Variants in SCAF1 observed in about 807,000 individuals in gnomAD.
SCAF1 encodes splicing factor, arginine/serine-rich 19.
SCAF1 carries 28 observed loss-of-function variants against 91.2 expected under a neutral mutation model. The observed-to-expected ratio is 0.31, with a 90% confidence interval of 0.23 to 0.42. SCAF1 has a LOEUF of 0.42. SCAF1 is among the 10% of genes least tolerant of loss of function. The probability of loss-of-function intolerance (pLI) is 1.00; values close to 1 mark genes in which losing one functional copy is unlikely to be tolerated. For synonymous variants in SCAF1, 1,036 were observed against 833.7 expected (o/e 1.24, Z -4.18); for missense variants, 1,893 against 1,872.1 (o/e 1.01, Z -0.21).
At chr19:49,653,942 G>A (rs552678231) in intron 7 of SCAF1, among the ~76,000 whole-genome samples, 1 of 152,298 alleles carries the variant, frequency 6.6e-6, no homozygotes, top group African/African-American at 2.4e-5. Flanking sequence ...GCTGGGTTCT[G>A]GGATTCCCCT....
In SCAF1 at chr19:49,645,757, C is replaced by T. The variant is rs745369960; in HGVS notation, c.166+346C>T. The stretch of plus-strand genomic sequence containing the variant: ...AGCCTGATCAGCTGCAGCAGGCCTA[C>T]AGCACGGGTGCAGCGGCGAGGGGCT... On this transcript the variant is annotated intron_variant, in intron 3 of 10. Transcript: ENST00000360565. This position sits in a 1 kb window ranked among gnomAD's most constrained non-coding sequence, Gnocchi z 4.6. 1.1e-4 allele frequency among the ~76,000 whole-genome samples: 16 copies of T among 152,144 alleles called. No homozygotes were observed. The highest frequency in any genetic ancestry group is 2.1e-4 in the Non-Finnish European group (14 of 68,002).
In SCAF1 at chr19:49,646,895, G is replaced by T; in HGVS notation, c.478+65G>T. ...AGTTGTGTGGGGATCGGCTGTTTTT[G>T]GTAGTGATGGTAGCGGTGATCATGT... On this transcript the variant is annotated intron_variant, in intron 6 of 10. Coordinates refer to ENST00000360565, the MANE Select transcript of SCAF1 (RefSeq NM_021228.3). The surrounding 1 kb of genome is among the most constrained non-coding windows in gnomAD (Gnocchi z 5.6). 1 of 1,177,866 alleles carries T rather than the reference G, an allele frequency of 8.5e-7. No homozygotes were observed. Among genetic ancestry groups the T allele is most frequent in the Non-Finnish European group, 1.2e-6 (1 of 827,814 alleles). The allele number at this position is 1,177,866 out of a possible 1,614,324, so 73.0% of individuals were successfully genotyped here.
Position 49,653,562 on chromosome 19 carries a change from C to T in SCAF1, c.3173C>T (p.Ala1058Val). The T allele has an allele frequency of 6.3e-7, 1 of 1,586,620 alleles. No individual in the cohort carries two copies. The change falls in exon 7 of 11, where the codon GCC (alanine) becomes GTC (valine). Residue 1058 changes from alanine to valine, a missense_variant. Physicochemically the swap from Ala to Val is moderately conservative, Grantham distance 64 (BLOSUM62 0). Transcript: ENST00000360565. ...ACTGCTGCAGCCGCCCCAAGCACTG[C>T]CCCCAGCGCGGGGTCCACAGCCGGT... ...TSTAAAAPST[A>V]PSAGSTAGDS... is the part of the protein sequence containing the mutation.
chr19:49,642,339 A>G lies in SCAF1; in HGVS notation c.-7+97A>G, dbSNP rs1453212954. On this transcript the variant is annotated intron_variant, in intron 1 of 10. Transcript: ENST00000360565. The surrounding 1 kb of genome is among the most constrained non-coding windows in gnomAD (Gnocchi z 4.0). Reference sequence around the variant, plus strand: ...TAGTTGTCCCGGGGTCCTCCCCACAAGCCACGGGTCCTAGAGGGCTTCTCG... The same window carrying G: ...TAGTTGTCCCGGGGTCCTCCCCACAGGCCACGGGTCCTAGAGGGCTTCTCG... The G allele has an allele frequency of 1.3e-5, 2 of 151,352 alleles. No homozygotes were observed. Among genetic ancestry groups the G allele is most frequent in the Non-Finnish European group, 2.9e-5 (2 of 67,894 alleles). 9.4% of individuals were successfully genotyped at this position (151,352 alleles called of 1,614,324 possible).
chr19:49,651,969 G>A lies in SCAF1; in HGVS notation c.1580G>A (p.Gly527Asp). The A allele has an allele frequency of 8.3e-7, 1 of 1,197,752 alleles. No individual in the cohort carries two copies. The highest frequency in any genetic ancestry group is 1.0e-6 in the Non-Finnish European group (1 of 955,562). 74.2% of individuals were successfully genotyped at this position (1,197,752 alleles called of 1,614,324 possible). Reference sequence around the variant, plus strand: ...TCCAGGCGGGAACGCAAGCGCAGCGGCGAGGCCAAGGAGGCCGCCTCGTCC... The same window carrying A: ...TCCAGGCGGGAACGCAAGCGCAGCGACGAGGCCAAGGAGGCCGCCTCGTCC... The part of the protein sequence containing the change: ...KKSRRERKRS[G>D]EAKEAASSSS... The change falls in exon 7 of 11, where the codon GGC becomes GAC. Residue 527 changes from glycine (G) to aspartate (D), a missense_variant. Transcript: ENST00000360565.
Position 49,653,441 on chromosome 19 carries a change from C to A in SCAF1, c.3052C>A (p.Arg1018=). 1 of 1,544,332 alleles carries A rather than the reference C, an allele frequency of 6.5e-7. No homozygotes were observed. Among genetic ancestry groups the A allele is most frequent in the Admixed American group, 1.9e-5 (1 of 52,340 alleles). The change falls in exon 7 of 11, where the codon CGA becomes AGA. Residue 1018 remains arginine (R), a synonymous_variant. Coordinates refer to ENST00000360565, the MANE Select transcript of SCAF1 (RefSeq NM_021228.3). ...GGAGGCCACTGAGGAGGCTGGGGTCCGAGGTGGGGCGGAGGAGGAGGAGGA... is the reference window on the plus strand; with the variant it reads ...GGAGGCCACTGAGGAGGCTGGGGTCAGAGGTGGGGCGGAGGAGGAGGAGGA... The part of the protein sequence containing the change: ...PEEATEEAGV[R]GGAEEEEEEE...
Position 49,651,190 on chromosome 19 carries a change from T to TGAGGAGGAAGAG in SCAF1, c.816_827dup (p.Glu279_Glu282dup), listed in dbSNP as rs771460314. The TGAGGAGGAAGAG allele has an allele frequency of 1.2e-6, 2 of 1,611,360 alleles. No individual in the cohort carries two copies. Among genetic ancestry groups the TGAGGAGGAAGAG allele is most frequent in the Non-Finnish European group, 1.7e-6 (2 of 1,179,218 alleles). ...GCTCATCAGCGGGGACCCCCTCACC[T>TGAGGAGGAAGAG]GAGGAGGAAGAGGAGGAGGAAGAGG... On this transcript the variant is annotated inframe_insertion, in exon 7 of 11. Coordinates refer to ENST00000360565, the MANE Select transcript of SCAF1 (RefSeq NM_021228.3).
chr19:49,653,214 T>C lies in SCAF1; in HGVS notation c.2825T>C (p.Leu942Pro), dbSNP rs1255753648. 2 of 1,531,534 alleles carry C rather than the reference T, an allele frequency of 1.3e-6. No homozygotes were observed. Among genetic ancestry groups the C allele is most frequent in the African/African-American group, 1.4e-5 (1 of 72,726 alleles). 94.9% of individuals were successfully genotyped at this position (1,531,534 alleles called of 1,614,324 possible). The part of the protein sequence containing the change: ...GSGGSGGQVS[L>P]KKSKADSCSQ... ...GGGGGCAGTGGTGGCCAGGTGTCGCTGAAGAAGTCCAAGGCGGATAGCTGC... is the reference window on the plus strand; with the variant it reads ...GGGGGCAGTGGTGGCCAGGTGTCGCCGAAGAAGTCCAAGGCGGATAGCTGC... Residue 942 changes from leucine to proline, a missense_variant, in exon 7 of 11, where the codon CTG (leucine) becomes CCG (proline). Physicochemically the swap from Leu to Pro is moderately conservative, Grantham distance 98 (BLOSUM62 -3). Transcript: ENST00000360565.
At chr19:49,640,967 G>A (rs1348909970), upstream of SCAF1, among the ~76,000 whole-genome samples, 1 of 152,186 alleles carries the variant, frequency 6.6e-6, no homozygotes, top group Non-Finnish European at 1.5e-5. Context: ...GGGGAGGAGG[G>A]TGTCAGGGAG....
At chr19:49,657,968 C>T (rs1025624310) in intron 10 of SCAF1, 79 bp downstream of exon 10, 13 of 1,528,548 alleles carry the variant, frequency 8.5e-6, no homozygotes, top group African/African-American at 8.2e-5. Flanking sequence ...GACAGATGGA[C>T]GCGGATGGGA....
intron 8 of SCAF1, 51 bp downstream of exon 8, chr19:49,654,482 C>T: frequency 1.3e-6 from 2 of 1,567,752 alleles, no homozygotes; most frequent in Non-Finnish European, 1.8e-6. Flanking sequence ...TGTCCATTGC[C>T]TCGGGTTAGG....
Position 49,652,373 on chromosome 19 carries a change from G to GC in SCAF1, c.1988dup (p.Ala664GlyfsTer14). 6.5e-7 allele frequency: 1 copy of GC among 1,539,464 alleles called. No homozygotes were observed. Among genetic ancestry groups the GC allele is most frequent in the Non-Finnish European group, 8.7e-7 (1 of 1,146,346 alleles). On this transcript the variant is annotated frameshift_variant, in exon 7 of 11. Coordinates refer to ENST00000360565, the MANE Select transcript of SCAF1 (RefSeq NM_021228.3). LOFTEE classifies it high-confidence loss of function. ...GCGGTCTGGGGATGGCAGCGAGAAGGCCCCGGCGCCCGCCCCGCCGCCCTC... is the reference window on the plus strand; with the variant it reads ...GCGGTCTGGGGATGGCAGCGAGAAGGCCCCCGGCGCCCGCCCCGCCGCCCTC...
At chr19:49,653,830 G>A in intron 7 of SCAF1, 125 bp downstream of exon 7, 4 of 974,700 alleles carry the variant, frequency 4.1e-6, no homozygotes, top group Non-Finnish European at 2.9e-6. Flanking sequence ...AGACTGGGAG[G>A]GTGGGGGTGA....
chr19:49,651,648 C>T lies in SCAF1; in HGVS notation c.1259C>T (p.Thr420Ile). ...CCCGGCGGCCGGGCCGCCCGGCCTA[C>T]ACCGGCCGCCTCGGCCACCCCCACG... ...FRPGGRAARP[T>I]PAASATPTAQ... Residue 420 changes from threonine (T) to isoleucine (I), a missense_variant, in exon 7 of 11, where the codon ACA becomes ATA. Around this residue, in one of 5 missense-constraint regions of SCAF1, gnomAD observed 1,436 missense variants for 1,306.8 expected, o/e 1.10. Transcript: ENST00000360565. 1.4e-6 allele frequency: 2 copies of T among 1,427,568 alleles called. No individual in the cohort carries two copies. The highest frequency in any genetic ancestry group is 2.8e-5 in the East Asian group (1 of 35,956). 88.4% of individuals were successfully genotyped at this position (1,427,568 alleles called of 1,614,324 possible). A position where few individuals can be genotyped will look rare whatever the true frequency, so the allele number is the denominator to read the frequency against.
At chr19:49,650,696 A>G (rs1347097379) in intron 6 of SCAF1, among the ~76,000 whole-genome samples, 172 bp from the exon 7 acceptor site, 1 of 152,098 alleles carries the variant, frequency 6.6e-6, no homozygotes, top group African/African-American at 2.4e-5. Context: ...CTTTGGGTTA[A>G]GAACCATGGT....
chr19:49,653,408 C>T lies in SCAF1; in HGVS notation c.3019C>T (p.Leu1007=), dbSNP rs1365068101. The change falls in exon 7 of 11, where the codon CTG becomes TTG. Residue 1007 remains leucine, a synonymous_variant. Transcript: ENST00000360565. ...SSCKTPEVSF[L]PEEATEEAGV... ...CTGCAAGACACCTGAGGTCTCCTTC[C>T]TGCCCGAGGAGGCCACTGAGGAGGC... 6.5e-7 allele frequency: 1 copy of T among 1,545,550 alleles called. No homozygotes were observed.
At chr19:49,657,625 TCAG>T in intron 9 of SCAF1, 133 bp from the exon 10 acceptor site, 4 of 1,135,454 alleles carry the variant, frequency 3.5e-6, no homozygotes, top group Non-Finnish European at 4.9e-6. Flanking sequence ...GGACAGACCC[TCAG>T]CAGGACTTCC....
chr19:49,651,227 G>A lies in SCAF1; in HGVS notation c.838G>A (p.Glu280Lys). 1.2e-6 allele frequency: 2 copies of A among 1,613,174 alleles called. No individual in the cohort carries two copies. Among genetic ancestry groups the A allele is most frequent in the Non-Finnish European group, 1.7e-6 (2 of 1,179,862 alleles). ...EEEEEEEEEE[E>K]EEDEEEEEGL... is the part of the protein sequence containing the mutation. The stretch of plus-strand genomic sequence containing the variant: ...GGAGGAGGAAGAGGAAGAAGAAGAG[G>A]AAGAGGAAGACGAGGAGGAGGAGGA... The change falls in exon 7 of 11, where the codon GAA becomes AAA. Residue 280 changes from glutamate (E) to lysine (K), a missense_variant. Transcript: ENST00000360565.
chr19:49,653,736 G>A, intron 7 of SCAF1, 31 bp downstream of exon 7: 1 of 1,486,220 alleles, frequency 6.7e-7, no homozygotes, highest in South Asian at 1.3e-5. Context: ...GGTGGTGCTG[G>A]GGCAGGTGAG....
Sources: gnomAD v4.1 joint callset for allele counts (sites outside exome capture counted in the v4.1 genomes callset) on GRCh38, gnomAD v4.1.1 for gene constraint, gnomAD v4.1.1 regional missense constraint, Gnocchi (gnomAD v3.1) non-coding constraint, MANE v1.5 for transcripts, NCBI Gene and HGNC (gene_info 2026-07-23, HGNC 2026-07-21) for gene names.